Variants in LMCD1 observed in about 807,000 individuals in gnomAD.
LMCD1 encodes the protein LIM and cysteine-rich domains protein 1.
A neutral mutation model predicts 42.7 loss-of-function variants in LMCD1; 32 were observed. The ratio of observed to expected loss-of-function variants is 0.75; its 90% confidence interval spans 0.57 to 1.01. The LOEUF (loss-of-function observed/expected upper bound fraction) is 1.01. LMCD1 is among the 50% of genes least tolerant of loss of function. LMCD1 has a pLI of 0.00. For synonymous variants in LMCD1, 178 were observed against 184.9 expected, an observed-to-expected ratio of 0.96 and a Z score of 0.30; for missense variants, 458 against 483.1, an observed-to-expected ratio of 0.95 and a Z score of 0.49.
intron 4 of LMCD1, among the ~76,000 whole-genome samples, chr3:8,563,753 G>A (rs1239860795): frequency 6.6e-6 from 1 of 152,206 alleles, no homozygotes; most frequent in East Asian, 1.9e-4. Context: ...TCACTTTACA[G>A]TGAAGAATCT....
chr3:8,543,998 C>T (rs1339045962), intron 3 of LMCD1, among the ~76,000 whole-genome samples: 1 of 152,214 alleles, frequency 6.6e-6, no homozygotes, highest in African/African-American at 2.4e-5. Context: ...CGAAGCCCTT[C>T]CCAGATGTTG....
Position 8,573,758 on chromosome 3 carries a change from C to A in LMCD1, c.*6160C>A, listed in dbSNP as rs753773136. 1.3e-4 allele frequency: 19 copies of A among 151,718 alleles called. No homozygotes were observed. The highest frequency in any genetic ancestry group is 4.4e-5 in the Non-Finnish European group (3 of 67,984). The allele number at this position is 151,718 out of a possible 1,614,324, so 9.4% of individuals were successfully genotyped here. On this transcript the variant is annotated 3_prime_UTR_variant, in exon 6 of 6. Transcript: ENST00000157600. ...AGCATAAAGTGTTCCTTTGTTCTGA[C>A]GTTGGTATAACATTGCTTCTTGAAA...
chr3:8,502,321 T>TAATATATATTATATAAAA (rs1553604870), intron 1 of LMCD1, among the ~76,000 whole-genome samples: 1 of 25,760 alleles, frequency 3.9e-5, no homozygotes, highest in African/African-American at 1.9e-4. Flanking sequence ...AAAATATATA[T>TAATATATATTATATAAAA]TATATATAAT....
chr3:8,502,038 C>T, intron 1 of LMCD1, 58 bp downstream of exon 1: 1 of 1,508,832 alleles, frequency 6.6e-7, no homozygotes, highest in East Asian at 2.5e-5. Flanking sequence ...TTCCCCTTCC[C>T]ATCTGTTCGC....
At chr3:8,531,900 A>C (rs950011675) in intron 1 of LMCD1, among the ~76,000 whole-genome samples, 2 of 152,028 alleles carry the variant, frequency 1.3e-5, no homozygotes, top group African/African-American at 4.8e-5. Flanking sequence ...CCCCACCCCA[A>C]CCCCAATGGA....
At chr3:8,557,528 A>G (rs1159041367) in intron 4 of LMCD1, among the ~76,000 whole-genome samples, 1 of 152,158 alleles carries the variant, frequency 6.6e-6, no homozygotes, top group Non-Finnish European at 1.5e-5. Flanking sequence ...CGAGACAGAG[A>G]TTATTGCTGA....
intron 1 of LMCD1, among the ~76,000 whole-genome samples, chr3:8,514,064 G>T (rs557442169): frequency 2.6e-5 from 4 of 151,940 alleles, no homozygotes; most frequent in Admixed American, 2.6e-4. Context: ...GTGTGTGTGT[G>T]TATATATATT....
Position 8,508,264 on chromosome 3 carries a change from A to G in LMCD1, c.42+6284A>G, listed in dbSNP as rs76986418. Among the ~76,000 whole-genome samples the G allele has an allele frequency of 6.0e-3, 920 of 152,348 alleles. 11 individuals are homozygous for G. The highest frequency in any genetic ancestry group is 0.01 in the South Asian group (49 of 4,828). ...TTGACATGTGCATTTCTACATGTCT[A>G]GTCAGCCTGACCCATGGCCTACCCA... is the stretch of plus-strand genomic sequence containing the variant. On this transcript the variant is annotated intron_variant, in intron 1 of 5. Transcript: ENST00000157600.
At chr3:8,534,875 A>G (rs1390468484) in intron 2 of LMCD1, among the ~76,000 whole-genome samples, 1 of 152,216 alleles carries the variant, frequency 6.6e-6, no homozygotes, top group Non-Finnish European at 1.5e-5. Flanking sequence ...TGGCCACATG[A>G]AGAGTGTGAA....
chr3:8,556,869 A>T (rs1694940080), intron 4 of LMCD1, among the ~76,000 whole-genome samples: 1 of 152,166 alleles, frequency 6.6e-6, no homozygotes, highest in Admixed American at 6.5e-5. Flanking sequence ...GAAATGTTTA[A>T]TATTTTGCCT....
chr3:8,537,337 A>G lies in LMCD1; in HGVS notation c.284A>G (p.Lys95Arg), dbSNP rs1255884161. The G allele has an allele frequency of 1.9e-6, 3 of 1,614,034 alleles. No homozygotes were observed. The highest frequency in any genetic ancestry group is 2.5e-6 in the Non-Finnish European group (3 of 1,180,022). Residue 95 changes from lysine (K) to arginine (R), a missense_variant, in exon 3 of 6, where the codon AAG becomes AGG. Physicochemically the swap from Lys to Arg is conservative, Grantham distance 26. Transcript: ENST00000157600. ...GGCGGGGACGGCATCCGGATTTACA[A>G]GAGGAACCGGATGATCATGACCAAC... ...VKGGDGIRIY[K>R]RNRMIMTNPI... is the part of the protein sequence containing the mutation.
At chr3:8,535,395 A>G (rs1441233454) in intron 2 of LMCD1, among the ~76,000 whole-genome samples, 2 of 152,128 alleles carry the variant, frequency 1.3e-5, no homozygotes, top group African/African-American at 4.8e-5. Context: ...CCTTTTTGCT[A>G]CTGGAACACA....
intron 1 of LMCD1, among the ~76,000 whole-genome samples, chr3:8,522,928 T>C (rs976100671): frequency 3.9e-5 from 6 of 152,214 alleles, no homozygotes; most frequent in Admixed American, 6.5e-5. Context: ...CATCACGAGA[T>C]AAATCCATCT....
intron 1 of LMCD1, among the ~76,000 whole-genome samples, chr3:8,527,292 G>A (rs1354377871): frequency 6.6e-6 from 1 of 152,112 alleles, no homozygotes; most frequent in African/African-American, 2.4e-5. Flanking sequence ...CACCACCACT[G>A]CCTTCAAAGG....
intron 4 of LMCD1, among the ~76,000 whole-genome samples, chr3:8,562,878 A>G (rs1008364491): frequency 6.6e-6 from 1 of 152,216 alleles, no homozygotes; most frequent in African/African-American, 2.4e-5. Flanking sequence ...CCTAGCACAC[A>G]GTAGATGCTC....
chr3:8,560,112 G>C (rs1375575583), intron 4 of LMCD1, among the ~76,000 whole-genome samples: 1 of 152,200 alleles, frequency 6.6e-6, no homozygotes, highest in East Asian at 1.9e-4. Context: ...TCAAGAACCA[G>C]TAACGGGTTA....
Position 8,548,854 on chromosome 3 carries a change from C to CT in LMCD1, c.675dup (p.Ala226CysfsTer9), listed in dbSNP as rs1694788297. 1 of 1,572,946 alleles carries CT rather than the reference C, an allele frequency of 6.4e-7. No homozygotes were observed. The highest frequency in any genetic ancestry group is 2.3e-5 in the East Asian group (1 of 44,266). ...AAGCCAGAGGGGGCAGAGACCACTG[C>CT]TGCTACCACCAACGGCAGTCTCAGT... On this transcript the variant is annotated frameshift_variant, in exon 4 of 6. Transcript: ENST00000157600. LOFTEE classifies it high-confidence loss of function.
chr3:8,560,854 T>C (rs1347304901), intron 4 of LMCD1, among the ~76,000 whole-genome samples: 1 of 152,134 alleles, frequency 6.6e-6, no homozygotes, highest in Non-Finnish European at 1.5e-5. Context: ...ACCACAAATC[T>C]AGCATGTTCT....
chr3:8,532,934 C>G, intron 2 of LMCD1, 109 bp downstream of exon 2: 1 of 894,164 alleles, frequency 1.1e-6, no homozygotes, highest in South Asian at 1.5e-5. Flanking sequence ...TATGCGTTGT[C>G]AGGGAAGGAT....
Sources: gnomAD v4.1 joint callset for allele counts (sites outside exome capture counted in the v4.1 genomes callset) on GRCh38, gnomAD v4.1.1 for gene constraint, MANE v1.5 for transcripts, NCBI Gene and HGNC (gene_info 2026-07-23, HGNC 2026-07-21) for gene names.